The following GRIN2A variants were observed in gnomAD, a reference collection of about 807,000 sequenced individuals.
The protein encoded by GRIN2A is glutamate receptor ionotropic, NMDA 2A.
GRIN2A carries 22 observed loss-of-function variants against 113.4 expected under a neutral mutation model. That is an observed-to-expected ratio of 0.19 (90% confidence interval 0.14 to 0.28). GRIN2A has a LOEUF of 0.28. Among genes scored for constraint, GRIN2A ranks in the 10% least tolerant of loss-of-function variants. GRIN2A has a pLI of 1.00. For missense variants in GRIN2A, 1,502 were observed against 1,887.0 expected (o/e 0.80, Z 3.78); for synonymous variants, 827 against 738.4 (o/e 1.12, Z -1.94).
intron 2 of GRIN2A, among the ~76,000 whole-genome samples, chr16:9,960,993 TTTGTTA>T (rs1247536711): frequency 6.6e-6 from 1 of 152,128 alleles, no homozygotes; most frequent in Non-Finnish European, 1.5e-5. Context: ...TTCAAGCGAG[TTTGTTA>T]TTGTTGTTGT....
intron 3 of GRIN2A, among the ~76,000 whole-genome samples, chr16:9,924,468 C>T (rs916651992): frequency 6.6e-6 from 1 of 152,170 alleles, no homozygotes; most frequent in Admixed American, 6.5e-5. Flanking sequence ...TGACAGCTTT[C>T]AACTGTGGTA....
chr16:10,114,328 G>C (rs1271362308), intron 2 of GRIN2A, among the ~76,000 whole-genome samples: 1 of 152,214 alleles, frequency 6.6e-6, no homozygotes, highest in African/African-American at 2.4e-5. Context: ...GGAAACTCAA[G>C]AGAGAGTTGA....
intron 2 of GRIN2A, among the ~76,000 whole-genome samples, chr16:10,122,831 G>A (rs936329860): frequency 3.9e-5 from 6 of 152,084 alleles, no homozygotes; most frequent in Non-Finnish European, 8.8e-5. Flanking sequence ...CATCATCTAT[G>A]CAACCACTCA....
At chr16:9,840,554 T>C (rs911523424) in intron 7 of GRIN2A, 93 bp downstream of exon 7, 9 of 1,174,412 alleles carry the variant, frequency 7.7e-6, no homozygotes, top group Non-Finnish European at 1.2e-5. Context: ...CAAACAGAGC[T>C]AAACAAGTTC....
intron 2 of GRIN2A, among the ~76,000 whole-genome samples, chr16:9,991,767 G>A (rs1437544595): frequency 1.3e-5 from 2 of 152,286 alleles, no homozygotes; most frequent in East Asian, 1.9e-4. Flanking sequence ...GGATGAAGCT[G>A]GAAACCATCA....
At chr16:10,115,866 T>A (rs1410254330) in intron 2 of GRIN2A, among the ~76,000 whole-genome samples, 2 of 152,202 alleles carry the variant, frequency 1.3e-5, no homozygotes, top group Admixed American at 6.5e-5. Context: ...TGAACACTTT[T>A]GGTGGGAATG....
At chr16:9,851,695 C>T (rs890458986) in intron 4 of GRIN2A, among the ~76,000 whole-genome samples, 20 of 152,164 alleles carry the variant, frequency 1.3e-4, no homozygotes, top group Admixed American at 4.6e-4. Flanking sequence ...TGAAGTCAAA[C>T]AGAACTAAGT....
At chr16:10,004,669 C>A (rs1343230152) in intron 2 of GRIN2A, among the ~76,000 whole-genome samples, 1 of 152,174 alleles carries the variant, frequency 6.6e-6, no homozygotes, top group Non-Finnish European at 1.5e-5. Flanking sequence ...GCAAGAAGCA[C>A]AGCATTTTCC....
At chr16:10,043,396 G>A (rs948711039) in intron 2 of GRIN2A, among the ~76,000 whole-genome samples, 9 of 152,170 alleles carry the variant, frequency 5.9e-5, no homozygotes, top group South Asian at 4.1e-4. Flanking sequence ...AAAGGCAGCC[G>A]GGATCACATC....
chr16:9,918,868 T>C (rs1186296074), intron 3 of GRIN2A, among the ~76,000 whole-genome samples: 1 of 149,656 alleles, frequency 6.7e-6, no homozygotes, highest in Non-Finnish European at 1.5e-5. Flanking sequence ...ACTACGGGCG[T>C]TTAGTGGTTA....
At chr16:10,113,515 C>A (rs775118680) in intron 2 of GRIN2A, among the ~76,000 whole-genome samples, 1 of 152,356 alleles carries the variant, frequency 6.6e-6, no homozygotes, top group South Asian at 2.1e-4. Flanking sequence ...TCCTCAGCTG[C>A]AGTTGAAGGC....
chr16:9,862,961 A>G (rs1194234366), intron 4 of GRIN2A, among the ~76,000 whole-genome samples: 2 of 152,304 alleles, frequency 1.3e-5, no homozygotes, highest in East Asian at 3.9e-4. Context: ...TGATCACCCC[A>G]ACGGGCATTT....
chr16:10,031,815 C>T (rs533177189), intron 2 of GRIN2A, among the ~76,000 whole-genome samples: 16 of 152,284 alleles, frequency 1.1e-4, no homozygotes, highest in African/African-American at 3.9e-4. Context: ...TCTGCTCTGA[C>T]CTCCTTCACT....
At chr16:9,964,684 T>C (rs949403610) in intron 2 of GRIN2A, among the ~76,000 whole-genome samples, 3 of 152,218 alleles carry the variant, frequency 2.0e-5, no homozygotes, top group African/African-American at 7.2e-5. Context: ...TGCATCTCTC[T>C]GACTCTTCCA....
At chr16:9,782,293 T>A (rs535602080) in intron 11 of GRIN2A, among the ~76,000 whole-genome samples, 1 of 152,298 alleles carries the variant, frequency 6.6e-6, no homozygotes, top group South Asian at 2.1e-4. Flanking sequence ...AAACTAGAGA[T>A]GATTTAAAGT....
intron 2 of GRIN2A, among the ~76,000 whole-genome samples, chr16:9,989,763 T>G (rs542205405): frequency 4.6e-4 from 70 of 151,984 alleles, no homozygotes; most frequent in African/African-American, 1.4e-3. Flanking sequence ...ATACATACAG[T>G]GGTCAGCAAA....
chr16:9,783,452 G>T (rs556115321), intron 11 of GRIN2A, among the ~76,000 whole-genome samples: 1 of 152,182 alleles, frequency 6.6e-6, no homozygotes, highest in African/African-American at 2.4e-5. Flanking sequence ...AGCAATAAAG[G>T]CTTTCATGTC....
intron 2 of GRIN2A, among the ~76,000 whole-genome samples, chr16:10,044,246 C>T (rs1288653055): frequency 1.3e-5 from 2 of 152,064 alleles, no homozygotes; most frequent in East Asian, 3.9e-4. Flanking sequence ...GTTGGCCAGG[C>T]TGGTCTTGAA....
At chr16:10,159,111 T>C (rs1368507560) in intron 2 of GRIN2A, among the ~76,000 whole-genome samples, 2 of 152,114 alleles carry the variant, frequency 1.3e-5, no homozygotes, top group African/African-American at 4.8e-5. Flanking sequence ...GCTTCTGTGA[T>C]TCCCTGGGCT....
Sources: allele counts gnomAD v4.1 joint callset (sites outside exome capture counted in the v4.1 genomes callset), GRCh38; gene constraint gnomAD v4.1.1; transcripts MANE v1.5; gene names NCBI Gene and HGNC (gene_info 2026-07-23, HGNC 2026-07-21).